The following FYB2 variants were observed in gnomAD, a reference collection of about 807,000 sequenced individuals.
The protein encoded by FYB2 is FYN binding protein 2, also known as FYN-binding protein 2.
Under a neutral mutation model 94.1 loss-of-function variants are expected in FYB2, and 103 were observed. The ratio of observed to expected loss-of-function variants is 1.09; its 90% CI spans 0.93 to 1.29. The LOEUF is 1.29. FYB2 is among the 50% of genes most tolerant of loss of function. The pLI is 0.00. For missense variants in FYB2, 896 were observed against 841.5 expected, an observed-to-expected ratio of 1.06 and a Z score of -0.80; for synonymous variants, 293 against 287.9, an observed-to-expected ratio of 1.02 and a Z score of -0.18.
intron 1 of FYB2, among the ~76,000 whole-genome samples, chr1:56,801,728 A>T (rs987171493): frequency 1.3e-5 from 2 of 152,090 alleles, no homozygotes; most frequent in Non-Finnish European, 2.9e-5. Context: ...CTGTTTCTCT[A>T]CTATCCGGTC....
At chr1:56,795,917 T>C (rs1646386878) in intron 1 of FYB2, among the ~76,000 whole-genome samples, 2 of 152,208 alleles carry the variant, frequency 1.3e-5, no homozygotes, top group African/African-American at 4.8e-5. Flanking sequence ...CTCTTTACTC[T>C]TTCAACGCAT....
intron 4 of FYB2, among the ~76,000 whole-genome samples, chr1:56,781,424 A>G (rs1239468890): frequency 3.9e-5 from 6 of 151,990 alleles, no homozygotes; most frequent in African/African-American, 1.4e-4. Flanking sequence ...CAACTTTTTT[A>G]TTTCATTTTG....
intron 1 of FYB2, among the ~76,000 whole-genome samples, chr1:56,809,043 A>G (rs1305606056): frequency 1.3e-5 from 2 of 152,222 alleles, no homozygotes; most frequent in Non-Finnish European, 2.9e-5. Context: ...ATAGTTCTAC[A>G]TCACTATTCA....
intron 1 of FYB2, among the ~76,000 whole-genome samples, chr1:56,806,902 C>T (rs766903742): frequency 6.6e-6 from 1 of 152,184 alleles, no homozygotes; most frequent in Non-Finnish European, 1.5e-5. Context: ...GCAAAAGGCT[C>T]AAGTTTAACT....
intron 4 of FYB2, among the ~76,000 whole-genome samples, chr1:56,785,071 T>C (rs1454948107): frequency 6.6e-6 from 1 of 152,208 alleles, no homozygotes; most frequent in East Asian, 1.9e-4. Context: ...GCTTCCAAAA[T>C]CAGCATGAAA....
intron 17 of FYB2, among the ~76,000 whole-genome samples, chr1:56,721,385 G>A (rs570405098): frequency 6.6e-6 from 1 of 151,948 alleles, no homozygotes; most frequent in African/African-American, 2.4e-5. Context: ...TCCACTCTTA[G>A]AAGTGTCCTG....
At chr1:56,731,171 C>G (rs930503654) in intron 15 of FYB2, among the ~76,000 whole-genome samples, 1 of 152,062 alleles carries the variant, frequency 6.6e-6, no homozygotes, top group Non-Finnish European at 1.5e-5. Flanking sequence ...GCCTCACACA[C>G]TGACCCCTGG....
chr1:56,774,305 T>C (rs1288447008), intron 4 of FYB2, among the ~76,000 whole-genome samples: 1 of 152,130 alleles, frequency 6.6e-6, no homozygotes, highest in African/African-American at 2.4e-5. Context: ...CTCTTCACCC[T>C]TTAATCCTCT....
intron 8 of FYB2, 92 bp downstream of exon 8, chr1:56,753,747 C>G: frequency 3.7e-6 from 3 of 807,938 alleles, no homozygotes; most frequent in Non-Finnish European, 6.2e-6. Context: ...CTAACTCTGT[C>G]TCTCTGAAGA....
At chr1:56,743,455 G>A (rs1230752693) in intron 11 of FYB2, among the ~76,000 whole-genome samples, 2 of 152,020 alleles carry the variant, frequency 1.3e-5, no homozygotes, top group Non-Finnish European at 2.9e-5. Context: ...TAATGATTGA[G>A]CTGAGATTAG....
intron 19 of FYB2, 51 bp from the exon 20 acceptor site, chr1:56,719,743 CA>C: frequency 7.0e-7 from 1 of 1,419,566 alleles, no homozygotes; most frequent in Non-Finnish European, 9.7e-7. Flanking sequence ...GACAATGAAA[CA>C]GTTGAGTGGG....
rs1006199445 is a variant in FYB2 at position 56,764,169 on chromosome 1, G to T, written c.1063+3660C>A. Among the ~76,000 whole-genome samples the T allele has an allele frequency of 2.6e-5, 4 of 151,986 alleles. No individual in the cohort carries two copies. The South Asian group carries it at 8.3e-4, about 32-fold the overall frequency. On this transcript the variant is annotated intron_variant, in intron 5 of 19. Transcript: ENST00000343433. ...AGGTTTCACCATGTTGGCCAGGTTG[G>T]CCTTGAACTCCTGACCTTAGGTGAT...
intron 4 of FYB2, among the ~76,000 whole-genome samples, chr1:56,768,317 A>G (rs927765186): frequency 6.6e-6 from 1 of 152,228 alleles, no homozygotes; most frequent in Admixed American, 6.5e-5. Context: ...CTGAGTCAGA[A>G]GGTAAGTCTG....
chr1:56,754,140 A>T (rs980948192), intron 7 of FYB2, among the ~76,000 whole-genome samples: 2 of 151,980 alleles, frequency 1.3e-5, no homozygotes, highest in East Asian at 3.9e-4. Context: ...CCACAGTGTC[A>T]ATTGCTGCTT....
At chr1:56,789,526 T>G (rs2100955566) in intron 2 of FYB2, among the ~76,000 whole-genome samples, 1 of 152,330 alleles carries the variant, frequency 6.6e-6, no homozygotes, top group Admixed American at 6.5e-5. Flanking sequence ...TTGTTCATGT[T>G]TTTCTTGGTT....
At chr1:56,757,776 T>TC (rs1645390842) in intron 6 of FYB2, among the ~76,000 whole-genome samples, 1 of 147,196 alleles carries the variant, frequency 6.8e-6, no homozygotes, top group African/African-American at 2.5e-5. Flanking sequence ...TCTTTTTCTT[T>TC]TTTTTTTGAT....
At chr1:56,804,975 C>T (rs1210206747) in intron 1 of FYB2, among the ~76,000 whole-genome samples, 1 of 152,144 alleles carries the variant, frequency 6.6e-6, no homozygotes, top group Non-Finnish European at 1.5e-5. Context: ...TCTGCTGTTG[C>T]CCCTGCCCGG....
At chr1:56,795,793 GATTA>G (rs1417718093) in intron 1 of FYB2, among the ~76,000 whole-genome samples, 3 of 152,124 alleles carry the variant, frequency 2.0e-5, no homozygotes, top group Admixed American at 1.3e-4. Context: ...GTCTCTGTAG[GATTA>G]ATTAAGCAAA....
At chr1:56,740,822 A>G in intron 12 of FYB2, 27 bp from the exon 13 acceptor site, 2 of 1,472,230 alleles carry the variant, frequency 1.4e-6, no homozygotes, top group Non-Finnish European at 1.9e-6. Context: ...GATATAAGTA[A>G]CATGGCATTT....
Sources: allele counts gnomAD v4.1 joint callset (sites outside exome capture counted in the v4.1 genomes callset), GRCh38; gene constraint gnomAD v4.1.1; transcripts MANE v1.5; gene names NCBI Gene and HGNC (gene_info 2026-07-23, HGNC 2026-07-21).